F8: variants seen among roughly 807,000 people sequenced by gnomAD.
F8 encodes the protein antihemophilic factor.
F8 carries 12 observed loss-of-function variants against 140.6 expected under a neutral mutation model. The observed-to-expected ratio is 0.09, with a 90% CI of 0.05 to 0.14. The LOEUF (loss-of-function observed/expected upper bound fraction) is 0.14, where lower values mean the gene tolerates loss of function less well. F8 is among the 10% of genes least tolerant of loss of function. The pLI is 1.00. For missense variants in F8, 1,354 were observed against 1,720.7 expected (o/e 0.79, Z 3.77); for synonymous variants, 585 against 614.6 (o/e 0.95, Z 0.71).
rs1557281270 is a variant in F8, at chrX:154,957,145, T to C, written c.1564A>G (p.Ile522Val). ...TATTTGAATATTTCTCCTGGCAGAATTGGAAAATCCTTCAAATGTTTTACA... is the reference window on the plus strand; with the variant it reads ...TATTTGAATATTTCTCCTGGCAGAACTGGAAAATCCTTCAAATGTTTTACA... ...KGVKHLKDFP[I>V]LPGEIFKYKW... is the part of the protein sequence containing the mutation. The change falls in exon 11 of 26, where the codon ATT becomes GTT. Residue 522 changes from isoleucine to valine, a missense_variant. Physicochemically the swap from Ile to Val is conservative, Grantham distance 29 (BLOSUM62 3). Transcript: ENST00000360256. 1 of 1,210,621 alleles carries C rather than the reference T, an allele frequency of 8.3e-7. No homozygotes were observed. Among genetic ancestry groups the C allele is most frequent in the Non-Finnish European group, 1.1e-6 (1 of 894,863 alleles).
At position 155,002,612 on chromosome X, in the gene F8, TACAC is replaced by T. The variant is rs368675926; in HGVS notation, c.144-3016_144-3013del. Among the ~76,000 whole-genome samples, 214 of 98,602 alleles carry T rather than the reference TACAC, an allele frequency of 2.2e-3. 1 individual carries two copies. Among genetic ancestry groups the T allele is most frequent in the South Asian group, 0.021 (43 of 2,012 alleles). The allele number at this position is 98,602 out of a possible 115,157, so 85.6% of individuals were successfully genotyped here. A position where few individuals can be genotyped will look rare whatever the true frequency, so the allele number is the denominator to read the frequency against. On this transcript the variant is annotated intron_variant, in intron 1 of 25. Transcript: ENST00000360256. ...TGTACTTTTACCATTGGCATATATT[TACAC>T]ACACACACACACACACACACACACA...
At chrX:154,861,678 T>C (rs781855568) in intron 24 of F8, 40 bp downstream of exon 24, 10 of 1,203,558 alleles carry the variant, frequency 8.3e-6, no homozygotes, top group Middle Eastern at 2.5e-4. Context: ...CCCCAACCAC[T>C]GCTCTGAGTC....
intron 25 of F8, among the ~76,000 whole-genome samples, chrX:154,846,366 T>C (rs1450146086): frequency 2.7e-5 from 3 of 111,826 alleles, no homozygotes; most frequent in Non-Finnish European, 5.6e-5. Flanking sequence ...TTGAACTGTC[T>C]AATGTTGACA....
At chrX:154,897,861 A>G (rs2072990128) in intron 21 of F8, 1 of 112,405 alleles carries the variant, frequency 8.9e-6, no homozygotes, top group Non-Finnish European at 1.9e-5. Flanking sequence ...CAAATGCTTG[A>G]CAACTGATGA....
chrX:154,957,975 G>T (rs1557281354), intron 10 of F8, among the ~76,000 whole-genome samples: 1 of 111,040 alleles, frequency 9.0e-6, no homozygotes, highest in Non-Finnish European at 1.9e-5. Flanking sequence ...TCCAGGAGCT[G>T]GGGGTGAGGG....
At chrX:154,898,553 C>T (rs1397353660) in intron 21 of F8, among the ~76,000 whole-genome samples, 13 of 112,139 alleles carry the variant, frequency 1.2e-4, no homozygotes, top group African/African-American at 4.2e-4. Context: ...GGCTCAGTCA[C>T]TTATTAGCCA....
chrX:155,019,484 G>T (rs1317530854), intron 1 of F8, among the ~76,000 whole-genome samples: 1 of 111,230 alleles, frequency 9.0e-6, no homozygotes, highest in Non-Finnish European at 1.9e-5. Flanking sequence ...ATTTGGTAAG[G>T]TAGCTAGATT....
chrX:154,931,910 A>G (rs2073200814), intron 13 of F8, among the ~76,000 whole-genome samples: 1 of 112,549 alleles, frequency 8.9e-6, no homozygotes, highest in Non-Finnish European at 1.9e-5. Flanking sequence ...AAATGAATAG[A>G]TATTGGGATT....
At chrX:154,961,038 C>A (rs1557281553) in intron 10 of F8, 37 bp downstream of exon 10, 1 of 899,939 alleles carries the variant, frequency 1.1e-6, no homozygotes, top group South Asian at 2.0e-5. Context: ...TCTGTATCTA[C>A]AGGTAAAAAA....
chrX:154,844,587 CTGTT>C (rs1184241042), intron 25 of F8, among the ~76,000 whole-genome samples: 1 of 110,515 alleles, frequency 9.0e-6, no homozygotes, highest in African/African-American at 3.3e-5. Context: ...ATTTGGCTCT[CTGTT>C]TGTCTGTTGT....
In F8 at chrX:154,996,959, G is replaced by T. The variant is rs782769935; in HGVS notation, c.388+14C>A. ...TCATAGAATGACAGGACAATAGGAG[G>T]GTATTTTACTCACCCTCAGAAGCTT... On this transcript the variant is annotated intron_variant, in intron 3 of 25. Coordinates refer to ENST00000360256, the MANE Select transcript of F8 (RefSeq NM_000132.4). The T allele has an allele frequency of 2.4e-5, 29 of 1,209,079 alleles. No homozygotes were observed. The highest frequency in any genetic ancestry group is 3.2e-5 in the Non-Finnish European group (29 of 893,462).
At chrX:154,986,578 A>T (rs987351946) in intron 5 of F8, among the ~76,000 whole-genome samples, 2 of 111,703 alleles carry the variant, frequency 1.8e-5, no homozygotes, top group African/African-American at 6.5e-5. Flanking sequence ...GGCATGAGCC[A>T]CCGAAACTGG....
chrX:154,850,722 C>T (rs1199974107), intron 25 of F8, among the ~76,000 whole-genome samples: 10 of 111,238 alleles, frequency 9.0e-5, no homozygotes, highest in Non-Finnish European at 1.3e-4. Context: ...TTTGCTTTAA[C>T]GCATAAAAGA....
intron 22 of F8, among the ~76,000 whole-genome samples, chrX:154,863,714 T>G (rs1370809490): frequency 9.0e-6 from 1 of 111,195 alleles, no homozygotes; most frequent in Non-Finnish European, 1.9e-5. Context: ...GGTAGGAGGT[T>G]GAGAAACCCT....
At chrX:154,956,117 C>G (rs782718203) in intron 11 of F8, among the ~76,000 whole-genome samples, 15 of 112,226 alleles carry the variant, frequency 1.3e-4, no homozygotes, top group Non-Finnish European at 2.8e-4. Context: ...TTCGCTTTTG[C>G]AAGAAGAGAA....
chrX:154,841,717 T>C (rs1348373964), intron 25 of F8, among the ~76,000 whole-genome samples: 1 of 111,425 alleles, frequency 9.0e-6, no homozygotes, highest in Non-Finnish European at 1.9e-5. Context: ...ACAGCCAATA[T>C]GTATAATCCT....
At chrX:154,919,738 C>T (rs1246322005) in intron 14 of F8, 2 of 323,959 alleles carry the variant, frequency 6.2e-6, no homozygotes, top group East Asian at 6.8e-5. Flanking sequence ...CTGAAGCACT[C>T]GGCCCATGGC....
At chrX:154,868,470 G>T (rs1255986397) in intron 22 of F8, among the ~76,000 whole-genome samples, 1 of 111,672 alleles carries the variant, frequency 9.0e-6, no homozygotes, top group Non-Finnish European at 1.9e-5. Context: ...AAGGAGAAAT[G>T]AAATTCTTTA....
chrX:154,858,559 G>A (rs782252060), intron 25 of F8, among the ~76,000 whole-genome samples: 1 of 112,166 alleles, frequency 8.9e-6, no homozygotes, highest in Admixed American at 9.4e-5. Context: ...GTATTACCAG[G>A]CCCTATGATT....
Sources: gnomAD v4.1 joint callset for allele counts (sites outside exome capture counted in the v4.1 genomes callset) on GRCh38, gnomAD v4.1.1 for gene constraint, MANE v1.5 for transcripts, NCBI Gene and HGNC (gene_info 2026-07-23, HGNC 2026-07-21) for gene names.